DDX10: variants seen among roughly 807,000 people sequenced by gnomAD.
The protein encoded by DDX10 is probable ATP-dependent RNA helicase DDX10.
In DDX10, 74 loss-of-function variants were observed where a neutral mutation model predicts 104.3. The observed-to-expected ratio is 0.71, with a 90% CI of 0.59 to 0.86. The LOEUF (loss-of-function observed/expected upper bound fraction) is 0.86, where lower values mean the gene tolerates loss of function less well. Among genes scored for constraint, DDX10 ranks in the 40% least tolerant of loss-of-function variants. The pLI, the probability that DDX10 is intolerant of heterozygous loss-of-function variation, is 0.00. For synonymous variants in DDX10, 351 were observed against 353.4 expected, an observed-to-expected ratio of 0.99 and a Z score of 0.08; for missense variants, 952 against 1,040.0, an observed-to-expected ratio of 0.92 and a Z score of 1.16.
intron 16 of DDX10, among the ~76,000 whole-genome samples, chr11:108,891,233 A>T (rs1426026489): frequency 1.3e-5 from 2 of 152,274 alleles, no homozygotes; most frequent in East Asian, 1.9e-4. Flanking sequence ...TTACATTTTT[A>T]AAAAACTAAT....
chr11:108,709,456 A>G, intron 10 of DDX10, among the ~76,000 whole-genome samples: 1 of 152,216 alleles, frequency 6.6e-6, no homozygotes, highest in Non-Finnish European at 1.5e-5. Context: ...TTATTGATTC[A>G]ATTTTTTTAA....
At chr11:108,715,746 G>C (rs572475525) in intron 10 of DDX10, 133 bp from the exon 11 acceptor site, 1 of 594,316 alleles carries the variant, frequency 1.7e-6, no homozygotes, top group East Asian at 2.9e-5. Flanking sequence ...TTTAATTTCC[G>C]TCTAATCTGA....
chr11:108,766,523 C>T (rs2134521359), intron 13 of DDX10, among the ~76,000 whole-genome samples: 1 of 152,274 alleles, frequency 6.6e-6, no homozygotes, highest in South Asian at 2.1e-4. Flanking sequence ...ATATAGAACA[C>T]ACACTATGTG....
At chr11:108,728,306 C>T (rs951572891) in intron 13 of DDX10, among the ~76,000 whole-genome samples, 8 of 151,794 alleles carry the variant, frequency 5.3e-5, no homozygotes, top group African/African-American at 1.2e-4. Flanking sequence ...AGGGGCAGGG[C>T]GGGGGACTCT....
intron 13 of DDX10, among the ~76,000 whole-genome samples, chr11:108,789,378 A>G (rs1000285313): frequency 6.6e-6 from 1 of 152,212 alleles, no homozygotes; most frequent in Admixed American, 6.5e-5. Flanking sequence ...TATCTAGGAA[A>G]CAGATCTTTA....
At chr11:108,721,411 C>T (rs1201386952) in intron 12 of DDX10, among the ~76,000 whole-genome samples, 1 of 152,096 alleles carries the variant, frequency 6.6e-6, no homozygotes, top group African/African-American at 2.4e-5. Flanking sequence ...ACTTTTGGCT[C>T]CCTGTTAATT....
At chr11:108,758,235 G>C (rs956889994) in intron 13 of DDX10, among the ~76,000 whole-genome samples, 1 of 151,904 alleles carries the variant, frequency 6.6e-6, no homozygotes, top group South Asian at 2.1e-4. Flanking sequence ...ATGCTCAGTG[G>C]GTTTTCAGGG....
At chr11:108,874,076 A>G (rs1166069985) in intron 16 of DDX10, among the ~76,000 whole-genome samples, 3 of 152,172 alleles carry the variant, frequency 2.0e-5, no homozygotes, top group Non-Finnish European at 4.4e-5. Context: ...GCTTTGTGTT[A>G]TGTTTTCACA....
At chr11:108,685,487 G>A (rs900784650) in intron 6 of DDX10, among the ~76,000 whole-genome samples, 79 of 151,950 alleles carry the variant, frequency 5.2e-4, no homozygotes, top group African/African-American at 1.7e-3. Context: ...GAAATCACCC[G>A]TCTTCTGCGT....
intron 11 of DDX10, among the ~76,000 whole-genome samples, chr11:108,716,289 A>C (rs1483420558): frequency 1.3e-5 from 2 of 152,106 alleles, no homozygotes; most frequent in Non-Finnish European, 2.9e-5. Context: ...TAGTAGAGAC[A>C]GGGTTTTCTC....
intron 16 of DDX10, among the ~76,000 whole-genome samples, chr11:108,891,918 A>G (rs966004501): frequency 3.3e-5 from 5 of 152,162 alleles, no homozygotes; most frequent in African/African-American, 9.7e-5. Context: ...TGAGTTTCTC[A>G]GACCTAACAG....
At chr11:108,753,765 G>A (rs2134507871) in intron 13 of DDX10, among the ~76,000 whole-genome samples, 1 of 152,078 alleles carries the variant, frequency 6.6e-6, no homozygotes. Context: ...AATTTTTTTA[G>A]TGAAGTTTTA....
chr11:108,905,317 G>GT (rs1863579823), intron 16 of DDX10, among the ~76,000 whole-genome samples: 1 of 149,042 alleles, frequency 6.7e-6, no homozygotes, highest in Non-Finnish European at 1.5e-5. Flanking sequence ...GTTTAAGGGG[G>GT]GGGGGGGTTG....
rs572811416 is a variant in DDX10, at chr11:108,725,983, CT to C, written c.1965+2529del. ...AATGCTAAGTAAGGGTCAAGGTACA[CT>C]TTTTTTTGCATATGGGTATCCAGTT... On this transcript the variant is annotated intron_variant, in intron 13 of 17. Coordinates refer to ENST00000322536, the MANE Select transcript of DDX10 (RefSeq NM_004398.4). Among the ~76,000 whole-genome samples, 105 of 151,760 alleles carry C rather than the reference CT, an allele frequency of 6.9e-4. 3 individuals are homozygous for C. The South Asian group carries it at 0.021, about 30-fold the overall frequency.
chr11:108,890,206 C>A (rs918339935), intron 16 of DDX10, among the ~76,000 whole-genome samples: 1 of 152,136 alleles, frequency 6.6e-6, no homozygotes, highest in East Asian at 1.9e-4. Flanking sequence ...TAATCATTAT[C>A]GATTGTAAAA....
At chr11:108,777,285 C>T (rs1355309439) in intron 13 of DDX10, among the ~76,000 whole-genome samples, 1 of 152,030 alleles carries the variant, frequency 6.6e-6, no homozygotes, top group Non-Finnish European at 1.5e-5. Context: ...TCAGTCTCCA[C>T]GTAATTTGAG....
intron 13 of DDX10, among the ~76,000 whole-genome samples, chr11:108,791,024 T>C (rs1220493353): frequency 6.6e-6 from 1 of 152,244 alleles, no homozygotes; most frequent in Non-Finnish European, 1.5e-5. Flanking sequence ...TTTGATATTC[T>C]TCCCACAACG....
intron 13 of DDX10, among the ~76,000 whole-genome samples, chr11:108,749,273 C>T (rs1205986109): frequency 5.9e-5 from 9 of 151,986 alleles, no homozygotes; most frequent in African/African-American, 2.2e-4. Flanking sequence ...TTCATCATTA[C>T]GCTCCATGTG....
chr11:108,713,132 G>C (rs1311754647), intron 10 of DDX10, among the ~76,000 whole-genome samples: 2 of 152,058 alleles, frequency 1.3e-5, no homozygotes, highest in African/African-American at 4.8e-5. Context: ...GATATGCCTA[G>C]GTATAGTCTC....
Sources: gnomAD v4.1 joint callset for allele counts (sites outside exome capture counted in the v4.1 genomes callset) on GRCh38, gnomAD v4.1.1 for gene constraint, MANE v1.5 for transcripts, NCBI Gene and HGNC (gene_info 2026-07-23, HGNC 2026-07-21) for gene names.